ST7L: variants seen among roughly 807,000 people sequenced by gnomAD.
ST7L encodes suppressor of tumorigenicity 7 protein-like.
In ST7L, 57 loss-of-function variants were observed where a neutral mutation model predicts 72.5. The observed-to-expected ratio is 0.79, with a 90% confidence interval of 0.64 to 0.98. ST7L has a LOEUF of 0.98. Ranked by LOEUF, ST7L falls within the 50% of genes least tolerant of loss-of-function variation. The pLI, the probability that ST7L is intolerant of heterozygous loss-of-function variation, is 0.00. For synonymous variants in ST7L, 221 were observed against 240.9 expected, an observed-to-expected ratio of 0.92 and a Z score of 0.77; for missense variants, 576 against 672.2, an observed-to-expected ratio of 0.86 and a Z score of 1.58.
chr1:112,582,539 A>T (rs1664292292), intron 7 of ST7L, 67 bp from the exon 8 acceptor site: 5 of 883,942 alleles, frequency 5.7e-6, no homozygotes, highest in Non-Finnish European at 8.7e-6. Flanking sequence ...TTTCATTAAC[A>T]TATCCATTAA....
At chr1:112,618,730 C>A (rs1373776026) in intron 1 of ST7L, 179 bp downstream of exon 1, 1 of 1,317,614 alleles carries the variant, frequency 7.6e-7, no homozygotes, top group Non-Finnish European at 1.0e-6. Context: ...CCGGTAACGG[C>A]AGCAGGCTTG....
intron 3 of ST7L, among the ~76,000 whole-genome samples, chr1:112,608,416 C>T (rs1054150653): frequency 6.6e-6 from 1 of 152,038 alleles, no homozygotes; most frequent in Non-Finnish European, 1.5e-5. Flanking sequence ...TTTCTGTCAC[C>T]ATAGTATCTT....
At chr1:112,519,519 T>A (rs544015105), downstream of ST7L, among the ~76,000 whole-genome samples, 5 of 152,266 alleles carry the variant, frequency 3.3e-5, no homozygotes, top group African/African-American at 1.2e-4. Flanking sequence ...GTTGGCAGGA[T>A]CTCTTTTGCT....
chr1:112,517,970 G>T, the ST7L span: 1 of 153,080 alleles, frequency 6.5e-6, no homozygotes, highest in Non-Finnish European at 1.5e-5. Flanking sequence ...CAGGGACAGA[G>T]AACAGACCAA....
At chr1:112,587,551 C>T (rs935758845) in intron 6 of ST7L, among the ~76,000 whole-genome samples, 3 of 152,090 alleles carry the variant, frequency 2.0e-5, no homozygotes, top group East Asian at 1.9e-4. Context: ...TGCAGTGAGC[C>T]GAGATCGTGC....
chr1:112,579,380 TAAA>T (rs34252016), intron 9 of ST7L, among the ~76,000 whole-genome samples: 28,111 of 97,308 alleles, frequency 0.29, 2,826 homozygotes, highest in East Asian at 0.47. Flanking sequence ...CGAGACTCTG[TAAA>T]AAAAAAAAAA....
At chr1:112,584,265 AT>A (rs1664547619) in intron 6 of ST7L, 139 bp from the exon 7 acceptor site, 4 of 842,344 alleles carry the variant, frequency 4.7e-6, no homozygotes, top group Non-Finnish European at 6.9e-6. Context: ...TTCGTTCAAT[AT>A]TTTACCTTAA....
intron 13 of ST7L, among the ~76,000 whole-genome samples, chr1:112,547,627 G>A (rs1245984659): frequency 2.3e-5 from 3 of 128,240 alleles, no homozygotes; most frequent in African/African-American, 8.9e-5. Context: ...CTGGAGTGCA[G>A]TCTCAGCTCA....
chr1:112,582,563 C>T (rs1664293614), intron 7 of ST7L, 91 bp from the exon 8 acceptor site: 2 of 672,482 alleles, frequency 3.0e-6, no homozygotes, highest in East Asian at 2.7e-5. Flanking sequence ...TATTTGCTTC[C>T]CTTGGAAGAG....
intron 11 of ST7L, among the ~76,000 whole-genome samples, chr1:112,559,454 G>A (rs1031729357): frequency 3.0e-4 from 45 of 151,406 alleles, no homozygotes; most frequent in East Asian, 2.0e-4. Context: ...GGCTGGTCTC[G>A]AACTCCTGAC....
chr1:112,562,156 T>G (rs372404270), intron 11 of ST7L, among the ~76,000 whole-genome samples: 1 of 151,856 alleles, frequency 6.6e-6, no homozygotes, highest in Non-Finnish European at 1.5e-5. Context: ...TTTGTAGAGA[T>G]AGGGTTTCAC....
intron 13 of ST7L, among the ~76,000 whole-genome samples, chr1:112,549,748 C>T (rs1353784674): frequency 6.6e-6 from 1 of 152,136 alleles, no homozygotes; most frequent in African/African-American, 2.4e-5. Context: ...GAGAGTTTTA[C>T]TTCCTCCTTG....
At chr1:112,591,199 G>A in intron 6 of ST7L, among the ~76,000 whole-genome samples, 1 of 152,090 alleles carries the variant, frequency 6.6e-6, no homozygotes, top group African/African-American at 2.4e-5. Flanking sequence ...CCAAAGTGCT[G>A]GGATTACAGG....
chr1:112,609,374 T>C (rs1668722326), intron 3 of ST7L, among the ~76,000 whole-genome samples: 1 of 151,054 alleles, frequency 6.6e-6, no homozygotes, highest in Non-Finnish European at 1.5e-5. Flanking sequence ...CTACTAAAAA[T>C]ACAAAAATTA....
At chr1:112,576,871 T>C (rs1053267192) in intron 11 of ST7L, 115 bp downstream of exon 11, 7 of 675,338 alleles carry the variant, frequency 1.0e-5, no homozygotes, top group Non-Finnish European at 1.7e-5. Context: ...CATCAAAATA[T>C]AGCAGATTAA....
chr1:112,618,834 C>T (rs1670372261), intron 1 of ST7L, 75 bp downstream of exon 1: 1 of 1,525,220 alleles, frequency 6.6e-7, no homozygotes. Context: ...TACCGAGAAT[C>T]TCTTGCCCTT....
At chr1:112,601,016 A>G (rs1667304829) in intron 3 of ST7L, among the ~76,000 whole-genome samples, 168 bp from the exon 4 acceptor site, 1 of 152,158 alleles carries the variant, frequency 6.6e-6, no homozygotes, top group African/African-American at 2.4e-5. Flanking sequence ...TCATTTCCTT[A>G]TTTCTGTCTC....
intron 2 of ST7L, among the ~76,000 whole-genome samples, chr1:112,611,969 C>CAAAA (rs146893029): frequency 2.8e-5 from 2 of 71,548 alleles, no homozygotes; most frequent in African/African-American, 1.0e-4. Flanking sequence ...GACCCTGTCT[C>CAAAA]AAAAAAAAAA....
At chr1:112,562,470 T>C (rs1483732901) in intron 11 of ST7L, among the ~76,000 whole-genome samples, 6 of 151,766 alleles carry the variant, frequency 4.0e-5, no homozygotes, top group African/African-American at 7.3e-5. Flanking sequence ...AAAGATATGA[T>C]TGAGATACTG....
Sources: allele counts gnomAD v4.1 joint callset (sites outside exome capture counted in the v4.1 genomes callset), GRCh38; gene constraint gnomAD v4.1.1; transcripts MANE v1.5; gene names NCBI Gene and HGNC (gene_info 2026-07-23, HGNC 2026-07-21).